The following LRRC7 variants were observed in gnomAD, a reference collection of about 807,000 sequenced individuals.
LRRC7 encodes leucine rich repeat containing 7, also known as leucine-rich repeat-containing protein 7.
A neutral mutation model predicts 175.7 loss-of-function variants in LRRC7; 23 were observed. The observed-to-expected ratio is 0.13, with a 90% CI of 0.09 to 0.19. The LOEUF (loss-of-function observed/expected upper bound fraction) is 0.19, where lower values mean the gene tolerates loss of function less well. Among genes scored for constraint, LRRC7 ranks in the 10% least tolerant of loss-of-function variants. The pLI is 1.00. For synonymous variants in LRRC7, 685 were observed against 680.9 expected, an observed-to-expected ratio of 1.01 and a Z score of -0.09; for missense variants, 1,354 against 1,904.7, an observed-to-expected ratio of 0.71 and a Z score of 5.38.
At chr1:69,977,113 C>T (rs932626911) in intron 8 of LRRC7, among the ~76,000 whole-genome samples, 1 of 152,202 alleles carries the variant, frequency 6.6e-6, no homozygotes, top group African/African-American at 2.4e-5. Flanking sequence ...CATGTTTGTG[C>T]ATGACTCACT....
intron 8 of LRRC7, among the ~76,000 whole-genome samples, chr1:69,948,878 G>A (rs926801811): frequency 1.3e-5 from 2 of 152,120 alleles, no homozygotes; most frequent in South Asian, 2.1e-4. Context: ...CCTGAAGTTA[G>A]GTAGAACACT....
intron 4 of LRRC7, among the ~76,000 whole-genome samples, chr1:69,804,530 A>G (rs1676893268): frequency 6.6e-6 from 1 of 151,596 alleles, no homozygotes. Context: ...GTATATTAAC[A>G]TTGAACTTTC....
At chr1:69,615,168 A>G (rs1773338) in intron 1 of LRRC7, among the ~76,000 whole-genome samples, 19,510 of 151,764 alleles carry the variant, frequency 0.13, 1,599 homozygotes, top group South Asian at 0.19. Flanking sequence ...AACACTCTTA[A>G]CCTCCCTCTC....
intron 25 of LRRC7, among the ~76,000 whole-genome samples, chr1:70,106,352 C>T (rs960600690): frequency 6.6e-6 from 1 of 152,076 alleles, no homozygotes; most frequent in African/African-American, 2.4e-5. Context: ...TGTGCATTTG[C>T]CTATTCTTGA....
chr1:70,113,935 C>T (rs1449961425), intron 26 of LRRC7, among the ~76,000 whole-genome samples: 8 of 152,018 alleles, frequency 5.3e-5, no homozygotes, highest in Non-Finnish European at 1.2e-4. Flanking sequence ...ATGTTTGTTA[C>T]AGAAACAAAC....
At chr1:69,786,349 AT>A (rs796292268) in intron 3 of LRRC7, among the ~76,000 whole-genome samples, 1 of 150,816 alleles carries the variant, frequency 6.6e-6, no homozygotes, top group Non-Finnish European at 1.5e-5. Flanking sequence ...TCTTTTTATT[AT>A]TTTTTCTTCC....
At chr1:70,101,278 T>A (rs777548621) in intron 25 of LRRC7, among the ~76,000 whole-genome samples, 31 of 152,176 alleles carry the variant, frequency 2.0e-4, no homozygotes, top group Non-Finnish European at 4.6e-4. Flanking sequence ...TTTTAACTCA[T>A]GTGTTCTGAA....
intron 25 of LRRC7, among the ~76,000 whole-genome samples, chr1:70,095,199 G>T (rs899874892): frequency 6.6e-6 from 1 of 152,130 alleles, no homozygotes; most frequent in Non-Finnish European, 1.5e-5. Context: ...AGGAGCAAGG[G>T]ATAGAGATCA....
intron 7 of LRRC7, among the ~76,000 whole-genome samples, chr1:69,880,503 C>G (rs12039534): frequency 0.55 from 84,276 of 151,884 alleles, 23,449 homozygotes; most frequent in East Asian, 0.7. Context: ...TGTGAGCCAA[C>G]TTCTTAGATC....
Position 70,130,317 on chromosome 1 carries a change from C to T in LRRC7, c.*8430C>T, listed in dbSNP as rs1174219952. On this transcript the variant is annotated 3_prime_UTR_variant, in exon 27 of 27. Coordinates refer to ENST00000651989, the MANE Select transcript of LRRC7 (RefSeq NM_001370785.2). ...TTAATGCCTGTCATAGTGTCAGAAA[C>T]ATAGTATAGGTTCTCAATAAATATT... 10 of 152,150 alleles carry T rather than the reference C, an allele frequency of 6.6e-5. No individual in the cohort carries two copies. 9.4% of individuals were successfully genotyped at this position (152,150 alleles called of 1,614,324 possible). A position where few individuals can be genotyped will look rare whatever the true frequency, so the allele number is the denominator to read the frequency against.
At chr1:70,096,406 C>T (rs116401238) in intron 25 of LRRC7, among the ~76,000 whole-genome samples, 3,034 of 152,146 alleles carry the variant, frequency 0.02, 40 homozygotes, top group Non-Finnish European at 0.031. Context: ...TTGAATAAAC[C>T]CATCGCCATG....
chr1:69,707,828 C>A (rs1179390630), intron 2 of LRRC7, among the ~76,000 whole-genome samples: 7 of 152,078 alleles, frequency 4.6e-5, no homozygotes, highest in Admixed American at 2.0e-4. Flanking sequence ...GCAATAAAGA[C>A]CCAGACAGAC....
chr1:70,005,597 A>G (rs1376833050), intron 11 of LRRC7, among the ~76,000 whole-genome samples: 2 of 152,248 alleles, frequency 1.3e-5, no homozygotes, highest in Admixed American at 1.3e-4. Context: ...TCCCAGTAGC[A>G]TCATTCATTC....
chr1:70,013,436 C>CTATG (rs903410924), intron 13 of LRRC7, among the ~76,000 whole-genome samples: 2 of 151,638 alleles, frequency 1.3e-5, no homozygotes, highest in Non-Finnish European at 3.0e-5. Context: ...ATGTGCATAT[C>CTATG]TATGTATGTA....
rs1341846127 is a variant in LRRC7, at chr1:70,122,902, G to GT, written c.*1017dup. The GT allele has an allele frequency of 3.3e-5, 5 of 152,480 alleles. No individual in the cohort carries two copies. Among genetic ancestry groups the GT allele is most frequent in the African/African-American group, 1.2e-4 (5 of 41,420 alleles). The allele number at this position is 152,480 out of a possible 1,614,324, so 9.4% of individuals were successfully genotyped here. A position where few individuals can be genotyped will look rare whatever the true frequency, so the allele number is the denominator to read the frequency against. ...AAATTTATCATTACGAAAGACTGCTGTTAGAAAGTTATGGTAGGTGATTTT... is the reference window on the plus strand; with the variant it reads ...AAATTTATCATTACGAAAGACTGCTGTTTAGAAAGTTATGGTAGGTGATTTT... On this transcript the variant is annotated 3_prime_UTR_variant, in exon 27 of 27. Coordinates refer to ENST00000651989, the MANE Select transcript of LRRC7 (RefSeq NM_001370785.2).
intron 13 of LRRC7, among the ~76,000 whole-genome samples, chr1:70,015,101 G>A (rs1656850280): frequency 6.6e-6 from 1 of 151,868 alleles, no homozygotes; most frequent in African/African-American, 2.4e-5. Flanking sequence ...CTTTTAGTTA[G>A]GAATAACTTT....
chr1:69,845,622 G>A (rs1356989901), intron 7 of LRRC7, among the ~76,000 whole-genome samples: 1 of 151,832 alleles, frequency 6.6e-6, no homozygotes, highest in Admixed American at 6.6e-5. Context: ...AACTGGACAG[G>A]TGTGACTAAG....
At chr1:69,885,285 A>G (rs1360156185) in intron 7 of LRRC7, among the ~76,000 whole-genome samples, 1 of 143,412 alleles carries the variant, frequency 7.0e-6, no homozygotes, top group Non-Finnish European at 1.5e-5. Flanking sequence ...TTATTGCCAC[A>G]ATTTCAGCTC....
At chr1:69,670,813 G>A (rs957514976) in intron 1 of LRRC7, among the ~76,000 whole-genome samples, 2 of 152,128 alleles carry the variant, frequency 1.3e-5, no homozygotes, top group Admixed American at 1.3e-4. Context: ...ATGGGGATTA[G>A]TGATAGGCTA....
Sources: allele counts gnomAD v4.1 joint callset (sites outside exome capture counted in the v4.1 genomes callset), GRCh38; gene constraint gnomAD v4.1.1; transcripts MANE v1.5; gene names NCBI Gene and HGNC (gene_info 2026-07-23, HGNC 2026-07-21).